Variants in MYT1 observed in about 807,000 individuals in gnomAD.
MYT1 encodes the protein myelin transcription factor I.
In MYT1, 23 loss-of-function variants were observed where a neutral mutation model predicts 123.0. The ratio of observed to expected loss-of-function variants is 0.19; its 90% CI spans 0.13 to 0.26. MYT1 has a LOEUF of 0.26. Among genes scored for constraint, MYT1 ranks in the 10% least tolerant of loss-of-function variants. The pLI, the probability that MYT1 is intolerant of heterozygous loss-of-function variation, is 1.00. For missense variants in MYT1, 1,125 were observed against 1,472.5 expected, an observed-to-expected ratio of 0.76 and a Z score of 3.86; for synonymous variants, 518 against 575.3, an observed-to-expected ratio of 0.90 and a Z score of 1.43.
chr20:64,179,985 C>T (rs6011324), intron 1 of MYT1, among the ~76,000 whole-genome samples: 6,257 of 151,586 alleles, frequency 0.041, 394 homozygotes, highest in African/African-American at 0.13. Context: ...ATGCTACACA[C>T]AGTTACACAC....
intron 21 of MYT1, 148 bp from the exon 22 acceptor site, chr20:64,239,612 A>G (rs1228949904): frequency 1.8e-6 from 2 of 1,109,864 alleles, no homozygotes; most frequent in African/African-American, 3.1e-5. Flanking sequence ...CTGTGGCAGA[A>G]CCCCCTACAG....
intron 16 of MYT1, among the ~76,000 whole-genome samples, chr20:64,224,469 C>G (rs1227762020): frequency 6.6e-6 from 1 of 152,212 alleles, no homozygotes; most frequent in Non-Finnish European, 1.5e-5. Context: ...TGGTCTGGCC[C>G]CAGCAGCCAG....
chr20:64,226,133 AC>A (rs560819113), intron 16 of MYT1, among the ~76,000 whole-genome samples: 40 of 152,246 alleles, frequency 2.6e-4, no homozygotes, highest in African/African-American at 9.1e-4. Context: ...ACAGCTGCCA[AC>A]CCAGGAAGGA....
rs892405493 is a variant in MYT1 at position 64,185,360 on chromosome 20, G to C, written c.-98-4703G>C. Among the ~76,000 whole-genome samples the C allele has an allele frequency of 1.3e-5, 2 of 152,092 alleles. No individual in the cohort carries two copies. The highest frequency in any genetic ancestry group is 2.9e-5 in the Non-Finnish European group (2 of 68,006). ...GGGTGCATGGGAGAATGGAGGTGTGGGCTCCTCTCAAGTGACTACCCTTCC... is the reference window on the plus strand; with the variant it reads ...GGGTGCATGGGAGAATGGAGGTGTGCGCTCCTCTCAAGTGACTACCCTTCC... On this transcript the variant is annotated intron_variant, in intron 1 of 22. Coordinates refer to ENST00000328439, the MANE Select transcript of MYT1 (RefSeq NM_004535.3). This position sits in a 1 kb window ranked among gnomAD's most constrained non-coding sequence, Gnocchi z 4.5.
chr20:64,235,978 G>A (rs1172845720), intron 19 of MYT1, among the ~76,000 whole-genome samples: 2 of 137,676 alleles, frequency 1.5e-5, no homozygotes, highest in East Asian at 2.3e-4. Context: ...TGGGATGGCC[G>A]CGGTGGGTGA....
At chr20:64,177,012 A>G (rs1251453842) in intron 1 of MYT1, among the ~76,000 whole-genome samples, 1 of 152,254 alleles carries the variant, frequency 6.6e-6, no homozygotes, top group Non-Finnish European at 1.5e-5. Context: ...AACTGCCTGC[A>G]ACATGCTATT....
intron 1 of MYT1, among the ~76,000 whole-genome samples, chr20:64,187,232 C>T (rs1208309450): frequency 2.8e-5 from 4 of 140,648 alleles, no homozygotes; most frequent in Non-Finnish European, 4.5e-5. Context: ...CCGGCATCCA[C>T]GTTTCCATGG....
chr20:64,199,101 C>G (rs1490450677), intron 3 of MYT1, among the ~76,000 whole-genome samples, 185 bp downstream of exon 3: 1 of 152,218 alleles, frequency 6.6e-6, no homozygotes, highest in Non-Finnish European at 1.5e-5. Flanking sequence ...TGCTGAGGGG[C>G]CTTTGGCCCA....
rs558574521 is a variant in MYT1 at position 64,240,567 on chromosome 20, G to A, written c.*119G>A. On this transcript the variant is annotated 3_prime_UTR_variant, in exon 23 of 23. Coordinates refer to ENST00000328439, the MANE Select transcript of MYT1 (RefSeq NM_004535.3). ...CCCGTTTGGGGCCCGGTGTGGCCGC[G>A]GGCGGGTTTATCCAAAGGGATGGCT... 64 of 1,394,902 alleles carry A rather than the reference G, an allele frequency of 4.6e-5. No individual in the cohort carries two copies. The highest frequency in any genetic ancestry group is 3.7e-4 in the Admixed American group (13 of 35,052). The allele number at this position is 1,394,902 out of a possible 1,614,324, so 86.4% of individuals were successfully genotyped here. A position where few individuals can be genotyped will look rare whatever the true frequency, so the allele number is the denominator to read the frequency against.
intron 10 of MYT1, among the ~76,000 whole-genome samples, chr20:64,214,047 A>G (rs1983764278): frequency 6.6e-6 from 1 of 152,208 alleles, no homozygotes; most frequent in Non-Finnish European, 1.5e-5. Flanking sequence ...AGGACCACGG[A>G]CGTCCAGGAA....
chr20:64,212,260 T>C lies in MYT1; in HGVS notation c.1517+122T>C, dbSNP rs931296025. ...GTGGGGGCCAGGGTGGGGGCCGTGG[T>C]GGGGGGCTCCACGTGGGGTAGGGCA... On this transcript the variant is annotated intron_variant, in intron 9 of 22. Transcript: ENST00000328439. This position sits in a 1 kb window ranked among gnomAD's most constrained non-coding sequence, Gnocchi z 6.8. The C allele has an allele frequency of 2.3e-5, 1 of 43,806 alleles. No individual in the cohort carries two copies. Among genetic ancestry groups the C allele is most frequent in the Non-Finnish European group, 4.7e-5 (1 of 21,440 alleles). The allele number at this position is 43,806 out of a possible 1,614,324, so 2.7% of individuals were successfully genotyped here.
intron 1 of MYT1, among the ~76,000 whole-genome samples, chr20:64,165,850 C>A (rs1982064456): frequency 6.6e-6 from 1 of 151,170 alleles, no homozygotes; most frequent in Non-Finnish European, 1.5e-5. Context: ...TCTTTTAAAT[C>A]ACAGAAAACT....
At chr20:64,215,209 C>T (rs574046393) in intron 10 of MYT1, among the ~76,000 whole-genome samples, 12 of 152,318 alleles carry the variant, frequency 7.9e-5, no homozygotes. Flanking sequence ...ATTTGGCCCC[C>T]GTGTGAGGCC....
Position 64,218,239 on chromosome 20 carries a change from C to G in MYT1, c.1847-672C>G, listed in dbSNP as rs1246502792. Among the ~76,000 whole-genome samples, 2 of 152,220 alleles carry G rather than the reference C, an allele frequency of 1.3e-5. No individual in the cohort carries two copies. The highest frequency in any genetic ancestry group is 2.4e-5 in the African/African-American group (1 of 41,444). On this transcript the variant is annotated intron_variant, in intron 11 of 22. Transcript: ENST00000328439. This position sits in a 1 kb window ranked among gnomAD's most constrained non-coding sequence, Gnocchi z 4.0. ...CCTCACGATAAGCTTTCCAATATAT[C>G]TAGACCTTTCTGGATATACTGGTGA...
At chr20:64,239,414 C>T (rs1022468908) in intron 21 of MYT1, among the ~76,000 whole-genome samples, 1 of 152,106 alleles carries the variant, frequency 6.6e-6, no homozygotes, top group South Asian at 2.1e-4. Flanking sequence ...GTGCTCCCAC[C>T]CCATCCCCTC....
Position 64,240,584 on chromosome 20 carries a change from G to A in MYT1, c.*136G>A. 9 of 1,304,472 alleles carry A rather than the reference G, an allele frequency of 6.9e-6. No individual in the cohort carries two copies. The highest frequency in any genetic ancestry group is 9.1e-6 in the Non-Finnish European group (9 of 984,944). 80.8% of individuals were successfully genotyped at this position (1,304,472 alleles called of 1,614,324 possible). A position where few individuals can be genotyped will look rare whatever the true frequency, so the allele number is the denominator to read the frequency against. ...GTGGCCGCGGGCGGGTTTATCCAAA[G>A]GGATGGCTGGAAATTGGCCGCTCCC... On this transcript the variant is annotated 3_prime_UTR_variant, in exon 23 of 23. Transcript: ENST00000328439.
chr20:64,237,367 G>T lies in MYT1; in HGVS notation c.3070G>T (p.Ala1024Ser), dbSNP rs1419425282. The stretch of plus-strand genomic sequence containing the variant: ...CGAGTCCAACTCGGAGATGGAGGCT[G>T]CCATGGTGCAGCTGCAGTCCCAGGT... Reference protein sequence around the residue: ...LNESNSEMEAAMVQLQSQISS... With the variant: ...LNESNSEMEASMVQLQSQISS... The change falls in exon 21 of 23, where the codon GCC becomes TCC. Residue 1024 changes from alanine to serine, a missense_variant. This residue lies in a region of MYT1 where 243 missense variants were observed against 323.1 expected (regional missense o/e 0.75). Coordinates refer to ENST00000328439, the MANE Select transcript of MYT1 (RefSeq NM_004535.3). 1 of 1,607,620 alleles carries T rather than the reference G, an allele frequency of 6.2e-7. No individual in the cohort carries two copies. Among genetic ancestry groups the T allele is most frequent in the East Asian group, 2.2e-5 (1 of 44,678 alleles).
rs779724357 is a variant in MYT1, at chr20:64,236,663, G to A, written c.2989+17G>A. 1.2e-6 allele frequency: 2 copies of A among 1,606,026 alleles called. No homozygotes were observed. Among genetic ancestry groups the A allele is most frequent in the African/African-American group, 1.3e-5 (1 of 74,756 alleles). On this transcript the variant is annotated intron_variant, in intron 20 of 22. Transcript: ENST00000328439. ...CTAGCGACGGTAAGGATGGCTTCCTGGATTTCCCTGCTCATGGCTGGGTGC... is the reference window on the plus strand; with the variant it reads ...CTAGCGACGGTAAGGATGGCTTCCTAGATTTCCCTGCTCATGGCTGGGTGC...
chr20:64,199,501 C>G (rs540072593), intron 3 of MYT1, among the ~76,000 whole-genome samples: 1 of 152,324 alleles, frequency 6.6e-6, no homozygotes, highest in East Asian at 1.9e-4. Context: ...TCTTCTCTGT[C>G]CAGCTTGATC....
Sources: gnomAD v4.1 joint callset for allele counts (sites outside exome capture counted in the v4.1 genomes callset) on GRCh38, gnomAD v4.1.1 for gene constraint, gnomAD v4.1.1 regional missense constraint, Gnocchi (gnomAD v3.1) non-coding constraint, MANE v1.5 for transcripts, NCBI Gene and HGNC (gene_info 2026-07-23, HGNC 2026-07-21) for gene names.